Variants in MORN1 observed in about 807,000 individuals in gnomAD.
The protein encoded by MORN1 is MORN repeat-containing protein 1.
MORN1 carries 67 observed loss-of-function variants against 61.9 expected under a neutral mutation model. The ratio of observed to expected loss-of-function variants is 1.08; its 90% CI spans 0.89 to 1.33. MORN1 has a LOEUF of 1.33. MORN1 is among the 40% of genes most tolerant of loss of function. MORN1 has a pLI of 0.00. For synonymous variants in MORN1, 301 were observed against 292.0 expected, an observed-to-expected ratio of 1.03 and a Z score of -0.31; for missense variants, 752 against 691.2, an observed-to-expected ratio of 1.09 and a Z score of -0.99.
intron 10 of MORN1, among the ~76,000 whole-genome samples, chr1:2,338,254 T>C (rs996247888): frequency 2.0e-5 from 3 of 152,178 alleles, no homozygotes; most frequent in African/African-American, 7.2e-5. Context: ...GGTGTCTTAA[T>C]TTAATCATTA....
At chr1:2,388,175 C>T (rs765994100) in intron 3 of MORN1, 64 bp downstream of exon 3, 23 of 1,318,064 alleles carry the variant, frequency 1.7e-5, no homozygotes, top group East Asian at 4.6e-5. Context: ...CTAGACTCGG[C>T]GGACCAACTG....
chr1:2,329,494 G>GC (rs1641102544), intron 12 of MORN1, among the ~76,000 whole-genome samples: 1 of 152,048 alleles, frequency 6.6e-6, no homozygotes, highest in Admixed American at 6.5e-5. Context: ...ATCCCTGGGG[G>GC]CCCAGCCCCC....
chr1:2,340,818 T>C lies in MORN1; in HGVS notation c.1037-3968A>G, dbSNP rs1641378755. Reference sequence around the variant, plus strand: ...GCACGATGAGGGCCGCCATACAGGCTGCCACACAGGCCATGATGTGAGGCT... The same window carrying C: ...GCACGATGAGGGCCGCCATACAGGCCGCCACACAGGCCATGATGTGAGGCT... On this transcript the variant is annotated intron_variant, in intron 10 of 13. Coordinates refer to ENST00000378531, the MANE Select transcript of MORN1 (RefSeq NM_024848.3). Among the ~76,000 whole-genome samples the C allele has an allele frequency of 2.6e-5, 4 of 151,874 alleles. No individual in the cohort carries two copies. In the South Asian group the frequency reaches 8.3e-4, roughly 32 times the overall value.
rs1641288455 is a variant in MORN1, at chr1:2,336,754, C to A, written c.1133G>T (p.Gly378Val). The change falls in exon 11 of 14, where the codon GGG becomes GTG. Residue 378 changes from glycine to valine, a missense_variant. By Grantham distance (109) the Gly-to-Val change is moderately radical. Transcript: ENST00000378531. ...GTCCAGGAACAGGAAGGGGTGGTACCCAGGCGGGGGCGGCCCCAGGAGGAC... is the reference window on the plus strand; with the variant it reads ...GTCCAGGAACAGGAAGGGGTGGTACACAGGCGGGGGCGGCCCCAGGAGGAC... ...TDVLLGPPPPGYHPFLFLDSL... is the reference protein window; with the variant it reads ...TDVLLGPPPPVYHPFLFLDSL... 1 of 1,599,060 alleles carries A rather than the reference C, an allele frequency of 6.3e-7. No homozygotes were observed. The highest frequency in any genetic ancestry group is 1.7e-5 in the Admixed American group (1 of 58,266).
intron 10 of MORN1, among the ~76,000 whole-genome samples, chr1:2,342,000 G>A (rs983056516): frequency 1.3e-5 from 2 of 152,238 alleles, no homozygotes; most frequent in African/African-American, 4.8e-5. Context: ...GGCACTTCCC[G>A]AGCCAAGGCC....
intron 8 of MORN1, among the ~76,000 whole-genome samples, chr1:2,366,597 C>G (rs988496586): frequency 6.6e-6 from 1 of 152,296 alleles, no homozygotes; most frequent in East Asian, 1.9e-4. Context: ...GATCTCAGCT[C>G]ACTGCAACCT....
chr1:2,321,283 G>C lies in MORN1; in HGVS notation c.*100C>G, dbSNP rs112296976. On this transcript the variant is annotated 3_prime_UTR_variant, in exon 14 of 14. Transcript: ENST00000378531. ...GCCACTGAGCATTTTATTCAAGCCAGCAACCACGGGGCTCTGGAGAATCGG... is the reference window on the plus strand; with the variant it reads ...GCCACTGAGCATTTTATTCAAGCCACCAACCACGGGGCTCTGGAGAATCGG... 1 of 947,856 alleles carries C rather than the reference G, an allele frequency of 1.1e-6. No homozygotes were observed. The highest frequency in any genetic ancestry group is 1.7e-5 in the African/African-American group (1 of 58,416). The allele number at this position is 947,856 out of a possible 1,614,324, so 58.7% of individuals were successfully genotyped here. A position where few individuals can be genotyped will look rare whatever the true frequency, so the allele number is the denominator to read the frequency against.
At chr1:2,321,888 C>T (rs2279677) in intron 13 of MORN1, 13,894 of 493,866 alleles carry the variant, frequency 0.028, 255 homozygotes, top group East Asian at 0.11. Context: ...ACACGACCCT[C>T]GCATGGTGGC....
chr1:2,338,629 G>A (rs939134781), intron 10 of MORN1, among the ~76,000 whole-genome samples: 4 of 152,204 alleles, frequency 2.6e-5, no homozygotes, highest in African/African-American at 7.2e-5. Flanking sequence ...CACCTGCCAC[G>A]TGCCATTTGC....
intron 10 of MORN1, among the ~76,000 whole-genome samples, chr1:2,348,657 A>G (rs1376667911): frequency 2.7e-5 from 4 of 149,668 alleles, no homozygotes; most frequent in Non-Finnish European, 5.9e-5. Flanking sequence ...GCACGCACAC[A>G]CGCACGCACA....
chr1:2,321,698 C>A, intron 13 of MORN1, 119 bp from the exon 14 acceptor site: 2 of 1,303,494 alleles, frequency 1.5e-6, no homozygotes, highest in South Asian at 3.3e-5. Flanking sequence ...CCCTGGTCAT[C>A]TCTGCCTGGG....
chr1:2,336,191 G>C (rs1167398500), intron 12 of MORN1, among the ~76,000 whole-genome samples: 4 of 152,202 alleles, frequency 2.6e-5, no homozygotes, highest in Non-Finnish European at 5.9e-5. Flanking sequence ...CCACAGCCTG[G>C]TCCGCCCGGC....
Position 2,356,796 on chromosome 1 carries a change from G to A in MORN1, c.1036+636C>T, listed in dbSNP as rs183888187. 1.9e-4 allele frequency among the ~76,000 whole-genome samples: 29 copies of A among 152,320 alleles called. No homozygotes were observed. The East Asian group carries it at 3.1e-3, about 16-fold the overall frequency. ...TTTGATGTGCACTGCTCGCTGCACCGGAGGGATTAAGCTTTGATTCAACTC... is the reference window on the plus strand; with the variant it reads ...TTTGATGTGCACTGCTCGCTGCACCAGAGGGATTAAGCTTTGATTCAACTC... On this transcript the variant is annotated intron_variant, in intron 10 of 13. Transcript: ENST00000378531.
chr1:2,329,646 G>A (rs930532435), intron 12 of MORN1, among the ~76,000 whole-genome samples: 6 of 152,208 alleles, frequency 3.9e-5, no homozygotes, highest in East Asian at 3.9e-4. Context: ...TCCTGGCCAC[G>A]GGGTCAGCAG....
chr1:2,321,630 C>CG, intron 13 of MORN1, 51 bp from the exon 14 acceptor site: 3 of 1,429,050 alleles, frequency 2.1e-6, no homozygotes, highest in Non-Finnish European at 2.8e-6. Context: ...CCCTTCCCCT[C>CG]CCTGGCCTCA....
chr1:2,386,106 G>A, intron 4 of MORN1: 1 of 575,870 alleles, frequency 1.7e-6, no homozygotes, highest in Non-Finnish European at 3.1e-6. Context: ...GAACGGGAAG[G>A]GCAGATGTGC....
chr1:2,351,624 C>T (rs1211556306), intron 10 of MORN1: 4 of 301,758 alleles, frequency 1.3e-5, no homozygotes, highest in Non-Finnish European at 2.6e-5. Flanking sequence ...GTGAGTGTGG[C>T]GCCCCCAGCA....
chr1:2,342,390 G>A (rs995946748), intron 10 of MORN1, among the ~76,000 whole-genome samples: 1 of 152,360 alleles, frequency 6.6e-6, no homozygotes, highest in Admixed American at 6.5e-5. Flanking sequence ...AAGCAGAAAC[G>A]TTGACTTCGT....
At chr1:2,383,652 G>A (rs552367204) in intron 6 of MORN1, among the ~76,000 whole-genome samples, 5 of 152,238 alleles carry the variant, frequency 3.3e-5, no homozygotes, top group Non-Finnish European at 7.3e-5. Context: ...TTCTCAGGCT[G>A]TGACCTGCGC....
Sources: allele counts gnomAD v4.1 joint callset (sites outside exome capture counted in the v4.1 genomes callset), GRCh38; gene constraint gnomAD v4.1.1; transcripts MANE v1.5; gene names NCBI Gene and HGNC (gene_info 2026-07-23, HGNC 2026-07-21).